Variants in SND1 observed in about 807,000 individuals in gnomAD.
SND1 encodes the protein staphylococcal nuclease domain-containing protein 1.
In SND1, 38 loss-of-function variants were observed where a neutral mutation model predicts 121.7. The observed-to-expected ratio is 0.31, with a 90% CI of 0.24 to 0.41. The LOEUF (loss-of-function observed/expected upper bound fraction) is 0.41, where lower values mean the gene tolerates loss of function less well. Ranked by LOEUF, SND1 falls within the 10% of genes least tolerant of loss-of-function variation. SND1 has a pLI of 1.00. For synonymous variants in SND1, 401 were observed against 447.4 expected (o/e 0.90, Z 1.31); for missense variants, 868 against 1,184.6 (o/e 0.73, Z 3.92).
At chr7:128,010,048 T>C (rs78373887) in intron 16 of SND1, among the ~76,000 whole-genome samples, 3,251 of 152,318 alleles carry the variant, frequency 0.021, 49 homozygotes, top group Non-Finnish European at 0.032. Context: ...CCACTGAACA[T>C]CTGATTAAGT....
chr7:127,922,199 T>TTTTTTTTTTTTTGTTTGTTTTG (rs1554443300), intron 14 of SND1, among the ~76,000 whole-genome samples: 1 of 93,498 alleles, frequency 1.1e-5, no homozygotes, highest in African/African-American at 4.3e-5. Flanking sequence ...TTTTTTTTTT[T>TTTTTTTTTTTTTGTTTGTTTTG]TTTTGTTTTG....
intron 13 of SND1, among the ~76,000 whole-genome samples, chr7:127,902,745 C>A (rs1318261888): frequency 5.3e-5 from 8 of 151,680 alleles, no homozygotes; most frequent in Admixed American, 3.3e-4. Context: ...GAGACAAAGT[C>A]TTGCTCTTTC....
chr7:127,701,382 T>C, intron 5 of SND1, 59 bp downstream of exon 5: 1 of 1,547,276 alleles, frequency 6.5e-7, no homozygotes, highest in Non-Finnish European at 8.8e-7. Context: ...GTTTGCACTC[T>C]TTGCTTCTTG....
intron 16 of SND1, among the ~76,000 whole-genome samples, chr7:127,995,817 T>C (rs1802637014): frequency 6.6e-6 from 1 of 152,248 alleles, no homozygotes; most frequent in Non-Finnish European, 1.5e-5. Flanking sequence ...TGTCATAGTT[T>C]AACTGTCTTC....
chr7:128,073,079 G>A (rs1793441587), intron 16 of SND1, among the ~76,000 whole-genome samples: 1 of 152,156 alleles, frequency 6.6e-6, no homozygotes, highest in Non-Finnish European at 1.5e-5. Flanking sequence ...GGAAGGAAGG[G>A]CTGCTCCTGA....
intron 15 of SND1, among the ~76,000 whole-genome samples, chr7:127,943,974 A>T (rs1584684752): frequency 6.6e-6 from 1 of 152,272 alleles, no homozygotes; most frequent in South Asian, 2.1e-4. Context: ...ATGTGGCTCG[A>T]CTGCGTTCCC....
chr7:127,707,572 C>T lies in SND1; in HGVS notation c.963C>T (p.Arg321=). Reference sequence around the variant, plus strand: ...TTGTTGCCAGGTTTGCCAAAGAGCGCAGGCTGAGAATATGGAGAGACTATG... The same window carrying T: ...TTGTTGCCAGGTTTGCCAAAGAGCGTAGGCTGAGAATATGGAGAGACTATG... ...LRAAERFAKE[R]RLRIWRDYVA... The change falls in exon 9 of 24, where the codon CGC becomes CGT. Residue 321 remains arginine (R), a synonymous_variant. Transcript: ENST00000354725. The T allele has an allele frequency of 6.2e-7, 1 of 1,614,074 alleles. No individual in the cohort carries two copies. Among genetic ancestry groups the T allele is most frequent in the Non-Finnish European group, 8.5e-7 (1 of 1,179,960 alleles).
At chr7:127,870,755 T>C (rs1443555748) in intron 12 of SND1, among the ~76,000 whole-genome samples, 2 of 152,314 alleles carry the variant, frequency 1.3e-5, no homozygotes, top group Admixed American at 6.5e-5. Context: ...GATGTTACTG[T>C]ACGCTACTGT....
At chr7:127,826,147 C>A (rs987475870) in intron 11 of SND1, among the ~76,000 whole-genome samples, 3 of 152,120 alleles carry the variant, frequency 2.0e-5, no homozygotes, top group Admixed American at 2.0e-4. Flanking sequence ...GCCAAGATTG[C>A]GCCACCACAC....
At chr7:127,852,046 G>C (rs1799173221) in intron 12 of SND1, among the ~76,000 whole-genome samples, 2 of 152,074 alleles carry the variant, frequency 1.3e-5, no homozygotes, top group African/African-American at 4.8e-5. Context: ...TGTTATCTGA[G>C]CTATTCGGAA....
intron 14 of SND1, among the ~76,000 whole-genome samples, chr7:127,913,495 C>A (rs1424075780): frequency 6.6e-6 from 1 of 152,176 alleles, no homozygotes; most frequent in African/African-American, 2.4e-5. Context: ...AAAGAGAGTT[C>A]CTCTGGCCAT....
intron 12 of SND1, among the ~76,000 whole-genome samples, chr7:127,869,955 A>G (rs1034225207): frequency 1.1e-4 from 17 of 152,144 alleles, no homozygotes; most frequent in Admixed American, 8.5e-4. Context: ...CTTGAGATCC[A>G]TGTAAGTCAC....
intron 1 of SND1, among the ~76,000 whole-genome samples, chr7:127,671,578 A>G (rs996472961): frequency 6.6e-6 from 1 of 152,182 alleles, no homozygotes; most frequent in Non-Finnish European, 1.5e-5. Flanking sequence ...CTGAGTCATC[A>G]TAGTACACTA....
intron 12 of SND1, among the ~76,000 whole-genome samples, chr7:127,871,030 G>C (rs1375840710): frequency 6.6e-6 from 1 of 151,946 alleles, no homozygotes; most frequent in African/African-American, 2.4e-5. Context: ...TTGTTGAAAA[G>C]TAAGACACAA....
chr7:127,743,455 TAC>T (rs1796919433), intron 10 of SND1, among the ~76,000 whole-genome samples: 1 of 152,232 alleles, frequency 6.6e-6, no homozygotes, highest in African/African-American at 2.4e-5. Flanking sequence ...GTGATGCTTT[TAC>T]TTTCTAGCAA....
intron 1 of SND1, 27 bp downstream of exon 1, chr7:127,652,478 C>T: frequency 6.5e-7 from 1 of 1,534,096 alleles, no homozygotes; most frequent in Non-Finnish European, 8.8e-7. Context: ...GACACCGACC[C>T]CTCTGCCTGC....
intron 9 of SND1, among the ~76,000 whole-genome samples, chr7:127,712,304 G>A (rs1008602435): frequency 3.9e-5 from 6 of 152,046 alleles, no homozygotes; most frequent in Non-Finnish European, 7.4e-5. Flanking sequence ...GACTACAGGT[G>A]CACGCTAACA....
intron 10 of SND1, among the ~76,000 whole-genome samples, chr7:127,771,595 G>GAT (rs1422298341): frequency 2.0e-5 from 3 of 151,908 alleles, no homozygotes; most frequent in African/African-American, 7.3e-5. Context: ...GCTTATTGGA[G>GAT]ATATATCATC....
chr7:127,777,391 T>G (rs1279907632), intron 10 of SND1, among the ~76,000 whole-genome samples: 1 of 152,230 alleles, frequency 6.6e-6, no homozygotes, highest in Non-Finnish European at 1.5e-5. Flanking sequence ...TTGATAAAGT[T>G]GTTAGACATT....
Sources: allele counts gnomAD v4.1 joint callset (sites outside exome capture counted in the v4.1 genomes callset), GRCh38; gene constraint gnomAD v4.1.1; transcripts MANE v1.5; gene names NCBI Gene and HGNC (gene_info 2026-07-23, HGNC 2026-07-21).